Variants in MACO1 observed in about 807,000 individuals in gnomAD.
MACO1 encodes the protein macoilin.
MACO1 carries 14 observed loss-of-function variants against 78.7 expected under a neutral mutation model. The ratio of observed to expected loss-of-function variants is 0.18; its 90% CI spans 0.12 to 0.28. The LOEUF is 0.28. Ranked by LOEUF, MACO1 falls within the 10% of genes least tolerant of loss-of-function variation. The pLI is 1.00. For synonymous variants in MACO1, 288 were observed against 291.6 expected (o/e 0.99, Z 0.12); for missense variants, 501 against 799.0 (o/e 0.63, Z 4.50).
chr1:25,434,407 G>A (rs536034906), intron 1 of MACO1, among the ~76,000 whole-genome samples: 1 of 152,340 alleles, frequency 6.6e-6, no homozygotes, highest in Admixed American at 6.5e-5. Context: ...TTCATGAAGT[G>A]CCTACGTTGT....
chr1:25,452,221 T>A (rs77957801), intron 3 of MACO1, among the ~76,000 whole-genome samples: 2,017 of 152,280 alleles, frequency 0.013, 53 homozygotes, highest in African/African-American at 0.046. Flanking sequence ...TTTCTTTAGT[T>A]TCATCCCAAA....
chr1:25,459,837 A>C (rs1557665548), intron 6 of MACO1, among the ~76,000 whole-genome samples: 1 of 152,110 alleles, frequency 6.6e-6, no homozygotes, highest in Non-Finnish European at 1.5e-5. Context: ...ACTATATTTT[A>C]TATGGCTTAT....
At chr1:25,487,043 C>T (rs763471073) in intron 8 of MACO1, among the ~76,000 whole-genome samples, 12 of 152,146 alleles carry the variant, frequency 7.9e-5, no homozygotes, top group Non-Finnish European at 1.8e-4. Context: ...TTAGTGTCTC[C>T]CATGCCTGAG....
intron 6 of MACO1, among the ~76,000 whole-genome samples, chr1:25,480,905 G>A (rs1401302536): frequency 1.0e-5 from 1 of 99,322 alleles, no homozygotes; most frequent in African/African-American, 4.6e-5. Flanking sequence ...AACAGAGTGA[G>A]ACTTGGTTAA....
Position 25,496,158 on chromosome 1 carries a change from C to CT in MACO1, c.1793-2095dup, listed in dbSNP as rs1216344822. On this transcript the variant is annotated intron_variant, in intron 10 of 10. Coordinates refer to ENST00000374343, the MANE Select transcript of MACO1 (RefSeq NM_018202.6). ...TTTGTGGGCTTTTTTTTTTCTTTTT[C>CT]TTTTTTTTTTTGAGACAGGGTCTCT... Among the ~76,000 whole-genome samples the CT allele has an allele frequency of 7.0e-3, 887 of 127,480 alleles. 5 individuals are homozygous for CT. The highest frequency in any genetic ancestry group is 0.02 in the African/African-American group (689 of 34,594). 83.6% of individuals were successfully genotyped at this position (127,480 alleles called of 152,430 possible).
intron 1 of MACO1, among the ~76,000 whole-genome samples, chr1:25,438,956 AC>A (rs1217690202): frequency 6.6e-6 from 1 of 152,094 alleles, no homozygotes; most frequent in Non-Finnish European, 1.5e-5. Flanking sequence ...TCAAACAGAA[AC>A]CTGTTTTTGT....
intron 1 of MACO1, among the ~76,000 whole-genome samples, chr1:25,443,697 C>G (rs11249251): frequency 0.57 from 86,647 of 152,124 alleles, 25,619 homozygotes; most frequent in African/African-American, 0.71. Context: ...TTTGGATAAT[C>G]CTATCTAAAT....
chr1:25,437,050 G>A (rs907471510), intron 1 of MACO1, among the ~76,000 whole-genome samples: 6 of 151,940 alleles, frequency 3.9e-5, no homozygotes, highest in South Asian at 2.1e-4. Context: ...GTTTAGGACC[G>A]ATCTCCCACT....
At chr1:25,471,301 T>C (rs1465646664) in intron 6 of MACO1, among the ~76,000 whole-genome samples, 1 of 149,458 alleles carries the variant, frequency 6.7e-6, no homozygotes, top group African/African-American at 2.5e-5. Flanking sequence ...ATCGTGCCAC[T>C]GCACTCCAGC....
At chr1:25,495,712 C>A (rs1371480631) in intron 10 of MACO1, among the ~76,000 whole-genome samples, 1 of 152,150 alleles carries the variant, frequency 6.6e-6, no homozygotes, top group East Asian at 1.9e-4. Flanking sequence ...ACCTGTAATA[C>A]CAGCACTTTG....
At position 25,448,826 on chromosome 1, in the gene MACO1, G is replaced by C. The variant is rs762658942; in HGVS notation, c.241G>C (p.Val81Leu). The C allele has an allele frequency of 6.5e-7, 1 of 1,546,824 alleles. No individual in the cohort carries two copies. The highest frequency in any genetic ancestry group is 8.8e-7 in the Non-Finnish European group (1 of 1,135,038). The change falls in exon 3 of 11, where the codon GTT becomes CTT. Residue 81 changes from valine to leucine, a missense_variant. Transcript: ENST00000374343. The stretch of plus-strand genomic sequence containing the variant: ...CCTTTAGGCCTTCTCAGTATTTTTT[G>C]TTTGTGTAGCATTCACGTCAAATAT... The part of the protein sequence containing the change: ...YQGLAFSVFF[V>L]CVAFTSNIIC...
chr1:25,498,127 C>G lies in MACO1; in HGVS notation c.1793-137C>G, dbSNP rs560689064. 5.0e-4 allele frequency: 380 copies of G among 758,066 alleles called. 7 individuals are homozygous for G. In the South Asian group the frequency reaches 6.6e-3, roughly 13 times the overall value. The allele number at this position is 758,066 out of a possible 1,614,324, so 47.0% of individuals were successfully genotyped here. A position where few individuals can be genotyped will look rare whatever the true frequency, so the allele number is the denominator to read the frequency against. The stretch of plus-strand genomic sequence containing the variant: ...ATATTTACTGTGTCCCATTACAGGA[C>G]AAGTTTGCCTGCTCTTATAAATCAC... On this transcript the variant is annotated intron_variant, in intron 10 of 10. Coordinates refer to ENST00000374343, the MANE Select transcript of MACO1 (RefSeq NM_018202.6).
intron 1 of MACO1, among the ~76,000 whole-genome samples, chr1:25,440,171 T>C (rs1331494174): frequency 6.6e-6 from 1 of 150,558 alleles, no homozygotes; most frequent in Non-Finnish European, 1.5e-5. Context: ...GAGGATCACT[T>C]GAGCCCAGGA....
chr1:25,498,776 A>C lies in MACO1; in HGVS notation c.*310A>C. 3.7e-6 allele frequency: 1 copy of C among 267,654 alleles called. No individual in the cohort carries two copies. Among genetic ancestry groups the C allele is most frequent in the South Asian group, 1.5e-4 (1 of 6,712 alleles). The allele number at this position is 267,654 out of a possible 1,614,324, so 16.6% of individuals were successfully genotyped here. The stretch of plus-strand genomic sequence containing the variant: ...GTATTCTTACATAGTTTCCTCTTGA[A>C]GAAAAAAAAAGCAGAGTTTTTGTTT... On this transcript the variant is annotated 3_prime_UTR_variant, in exon 11 of 11. Coordinates refer to ENST00000374343, the MANE Select transcript of MACO1 (RefSeq NM_018202.6).
intron 1 of MACO1, among the ~76,000 whole-genome samples, chr1:25,433,791 A>C (rs933346561): frequency 6.6e-6 from 1 of 152,242 alleles, no homozygotes; most frequent in Admixed American, 6.5e-5. Context: ...TAAAGGAGAT[A>C]TGTACAGTTT....
At chr1:25,491,246 C>T in intron 9 of MACO1, 164 bp from the exon 10 acceptor site, 1 of 307,346 alleles carries the variant, frequency 3.3e-6, no homozygotes, top group Non-Finnish European at 4.8e-6. Context: ...GTGCTTATTG[C>T]CATATAAACA....
intron 6 of MACO1, among the ~76,000 whole-genome samples, chr1:25,462,666 T>C (rs1415122072): frequency 6.6e-6 from 1 of 152,228 alleles, no homozygotes; most frequent in African/African-American, 2.4e-5. Flanking sequence ...GAACTGCTAT[T>C]TTTGAGAAAC....
In MACO1 at chr1:25,457,726, G is replaced by C. The variant is rs566891747; in HGVS notation, c.653-665G>C. Among the ~76,000 whole-genome samples, 9 of 152,190 alleles carry C rather than the reference G, an allele frequency of 5.9e-5. No homozygotes were observed. The South Asian group carries it at 1.0e-3, about 18-fold the overall frequency. On this transcript the variant is annotated intron_variant, in intron 5 of 10. Coordinates refer to ENST00000374343, the MANE Select transcript of MACO1 (RefSeq NM_018202.6). The stretch of plus-strand genomic sequence containing the variant: ...TTGGTTTGAAAGTTGAAAGTTTGAG[G>C]TCATGTTTTTATTTAATATATTTCA...
intron 1 of MACO1, among the ~76,000 whole-genome samples, chr1:25,434,927 A>G (rs1183320724): frequency 6.6e-6 from 1 of 152,036 alleles, no homozygotes; most frequent in African/African-American, 2.4e-5. Context: ...GGGATTCTGT[A>G]TGGTTTACCC....
Sources: allele counts gnomAD v4.1 joint callset (sites outside exome capture counted in the v4.1 genomes callset), GRCh38; gene constraint gnomAD v4.1.1; transcripts MANE v1.5; gene names NCBI Gene and HGNC (gene_info 2026-07-23, HGNC 2026-07-21).